DUS2: variants seen among roughly 807,000 people sequenced by gnomAD.
DUS2 encodes dihydrouridine synthase 2.
DUS2 carries 52 observed loss-of-function variants against 71.3 expected under a neutral mutation model. The ratio of observed to expected loss-of-function variants is 0.73; its 90% confidence interval spans 0.58 to 0.92. The LOEUF is 0.92. DUS2 is among the 40% of genes least tolerant of loss of function. The probability of loss-of-function intolerance (pLI) is 0.00; values close to 1 mark genes in which losing one functional copy is unlikely to be tolerated. For synonymous variants in DUS2, 204 were observed against 227.8 expected, an observed-to-expected ratio of 0.90 and a Z score of 0.94; for missense variants, 558 against 622.6, an observed-to-expected ratio of 0.90 and a Z score of 1.10.
intron 6 of DUS2, among the ~76,000 whole-genome samples, chr16:68,055,085 A>G (rs544812756): frequency 2.8e-4 from 42 of 151,918 alleles, no homozygotes; most frequent in Admixed American, 3.9e-4. Context: ...GTGGCATCCA[A>G]GGGCTGGCCT....
At chr16:68,033,684 G>C (rs2033475371) in intron 2 of DUS2, among the ~76,000 whole-genome samples, 1 of 149,360 alleles carries the variant, frequency 6.7e-6, no homozygotes, top group Non-Finnish European at 1.5e-5. Flanking sequence ...TGTCACCCAG[G>C]CTGGAGTGCA....
At chr16:68,041,255 A>T (rs1474738747) in intron 3 of DUS2, among the ~76,000 whole-genome samples, 1 of 152,056 alleles carries the variant, frequency 6.6e-6, no homozygotes, top group Non-Finnish European at 1.5e-5. Context: ...CAGCCTCTGG[A>T]GGATGAGCCA....
At chr16:68,026,451 C>T (rs550501677) in intron 2 of DUS2, among the ~76,000 whole-genome samples, 14 of 152,246 alleles carry the variant, frequency 9.2e-5, no homozygotes, top group South Asian at 4.1e-4. Context: ...CAGGGCTGTG[C>T]GCAGGTAATC....
chr16:68,071,951 T>C (rs775098647), intron 12 of DUS2, among the ~76,000 whole-genome samples: 4 of 152,238 alleles, frequency 2.6e-5, no homozygotes, highest in Non-Finnish European at 5.9e-5. Flanking sequence ...TCACTTGCCT[T>C]ATCTCTTTGG....
chr16:68,057,055 TA>T (rs2151420996), intron 7 of DUS2, among the ~76,000 whole-genome samples: 1 of 137,382 alleles, frequency 7.3e-6, no homozygotes, highest in African/African-American at 2.7e-5. Flanking sequence ...TATTTATATA[TA>T]TATGTAATAT....
chr16:68,025,451 C>T lies in DUS2; in HGVS notation c.-62C>T, dbSNP rs953569920. 1 of 151,936 alleles carries T rather than the reference C, an allele frequency of 6.6e-6. No individual in the cohort carries two copies. The highest frequency in any genetic ancestry group is 2.4e-5 in the African/African-American group (1 of 41,372). The allele number at this position is 151,936 out of a possible 1,614,324, so 9.4% of individuals were successfully genotyped here. ...AGAATTACTCTGTACAAAGCCAGAA[C>T]ACATATATCAAAGTAATCCTGAAGT... On this transcript the variant is annotated 5_prime_UTR_variant, in exon 2 of 17. Coordinates refer to ENST00000565263, the MANE Select transcript of DUS2 (RefSeq NM_017803.5).
At chr16:68,053,152 G>A (rs992411574) in intron 4 of DUS2, among the ~76,000 whole-genome samples, 4 of 152,066 alleles carry the variant, frequency 2.6e-5, no homozygotes, top group East Asian at 1.9e-4. Flanking sequence ...TATCAGAGAC[G>A]GTGTTTCACC....
chr16:68,070,450 CAGAGCAGGGGGTCCTTGGAGCAGCAG>C (rs1202130331), intron 11 of DUS2, among the ~76,000 whole-genome samples: 3 of 152,198 alleles, frequency 2.0e-5, no homozygotes, highest in African/African-American at 4.8e-5. Context: ...TGTACAGAGA[CAGAGCAGGGGGTCCTTGGAGCAGCAG>C]GCTGCAGGGA....
At chr16:68,061,842 C>G (rs1359837019) in intron 8 of DUS2, among the ~76,000 whole-genome samples, 1 of 152,212 alleles carries the variant, frequency 6.6e-6, no homozygotes, top group African/African-American at 2.4e-5. Context: ...GAGCTGCCAT[C>G]ATTGCCAATG....
chr16:68,040,616 G>T (rs1240664630), intron 3 of DUS2, among the ~76,000 whole-genome samples: 1 of 152,148 alleles, frequency 6.6e-6, no homozygotes, highest in East Asian at 1.9e-4. Context: ...AAACAAAGGG[G>T]TATCTACCTA....
intron 3 of DUS2, among the ~76,000 whole-genome samples, chr16:68,039,889 A>G (rs2033596466): frequency 6.6e-6 from 1 of 152,164 alleles, no homozygotes; most frequent in South Asian, 2.1e-4. Flanking sequence ...AGGGCTGCCA[A>G]CTACCCCTTC....
chr16:68,045,773 A>T (rs2033691900), intron 3 of DUS2, among the ~76,000 whole-genome samples: 1 of 140,432 alleles, frequency 7.1e-6, no homozygotes, highest in Admixed American at 7.4e-5. Flanking sequence ...CAGGCCCTGG[A>T]GTGGAGTGAA....
intron 7 of DUS2, among the ~76,000 whole-genome samples, chr16:68,056,870 TATATA>T (rs1327919669): frequency 6.9e-6 from 1 of 144,946 alleles, no homozygotes; most frequent in Non-Finnish European, 1.5e-5. Context: ...ATTTATATGT[TATATA>T]ATATATAGGT....
chr16:68,046,270 C>A (rs1189525522), intron 3 of DUS2, among the ~76,000 whole-genome samples: 2 of 152,192 alleles, frequency 1.3e-5, no homozygotes, highest in African/African-American at 4.8e-5. Context: ...CAATGCTTAG[C>A]TCCTGCTTAT....
At chr16:68,057,249 G>T (rs892865165) in intron 7 of DUS2, among the ~76,000 whole-genome samples, 108 of 143,132 alleles carry the variant, frequency 7.5e-4, no homozygotes, top group African/African-American at 1.5e-3. Context: ...TATATATATA[G>T]AGAGAGAGAG....
At chr16:68,044,478 C>A (rs2033674306) in intron 3 of DUS2, among the ~76,000 whole-genome samples, 1 of 151,586 alleles carries the variant, frequency 6.6e-6, no homozygotes, top group Non-Finnish European at 1.5e-5. Context: ...TCACTGCAAC[C>A]TATGCCTCCT....
At chr16:68,028,939 C>T (rs576441374) in intron 2 of DUS2, among the ~76,000 whole-genome samples, 61 of 152,230 alleles carry the variant, frequency 4.0e-4, no homozygotes, top group African/African-American at 1.3e-3. Context: ...CAGTGGGTCA[C>T]GCCTGATTCC....
intron 10 of DUS2, among the ~76,000 whole-genome samples, chr16:68,069,257 A>G (rs997163056): frequency 4.6e-5 from 7 of 152,146 alleles, no homozygotes; most frequent in South Asian, 2.1e-4. Context: ...TAGGCATGGT[A>G]GCTCATGCCT....
chr16:68,062,234 C>G (rs972987809), intron 8 of DUS2, among the ~76,000 whole-genome samples: 1 of 151,958 alleles, frequency 6.6e-6, no homozygotes, highest in African/African-American at 2.4e-5. Flanking sequence ...TGGTCTTGAA[C>G]TCCTGACCTC....
Sources: allele counts gnomAD v4.1 joint callset (sites outside exome capture counted in the v4.1 genomes callset), GRCh38; gene constraint gnomAD v4.1.1; transcripts MANE v1.5; gene names NCBI Gene and HGNC (gene_info 2026-07-23, HGNC 2026-07-21).